The following MYT1L variants were observed in gnomAD, a reference collection of about 807,000 sequenced individuals.
The protein encoded by MYT1L is myelin transcription factor 1 like.
In MYT1L, 12 loss-of-function variants were observed where a neutral mutation model predicts 126.7. The observed-to-expected ratio is 0.09, with a 90% CI of 0.06 to 0.15. The LOEUF (loss-of-function observed/expected upper bound fraction) is 0.15. Ranked by LOEUF, MYT1L falls within the 10% of genes least tolerant of loss-of-function variation. The probability of loss-of-function intolerance (pLI) is 1.00; values close to 1 mark genes in which losing one functional copy is unlikely to be tolerated. For missense variants in MYT1L, 979 were observed against 1,585.2 expected (o/e 0.62, Z 6.49); for synonymous variants, 541 against 604.2 (o/e 0.90, Z 1.53).
chr2:2,220,532 G>A lies in MYT1L; in HGVS notation c.-420-47544C>T, dbSNP rs980038649. Among the ~76,000 whole-genome samples, 30 of 152,194 alleles carry A rather than the reference G, an allele frequency of 2.0e-4. No homozygotes were observed. The East Asian group carries it at 2.7e-3, about 14-fold the overall frequency. The stretch of plus-strand genomic sequence containing the variant: ...TGTTTCCTATTCAGACCTTTAAAAA[G>A]GTGCTAGACTCTTAACCTCTTCAGG... On this transcript the variant is annotated intron_variant, in intron 2 of 24. Transcript: ENST00000647738.
At position 1,791,446 on chromosome 2, in the gene MYT1L, G is replaced by C. The variant is rs1423029487; in HGVS notation, c.*421C>G. ...AAAAGCGGCTGCTCAGCCACAACATGATCATTCAAAGCTGTGGGTCTGTGT... is the reference window on the plus strand; with the variant it reads ...AAAAGCGGCTGCTCAGCCACAACATCATCATTCAAAGCTGTGGGTCTGTGT... On this transcript the variant is annotated 3_prime_UTR_variant, in exon 25 of 25. Transcript: ENST00000647738. The surrounding 1 kb of genome is among the most constrained non-coding windows in gnomAD (Gnocchi z 6.0). The C allele has an allele frequency of 2.7e-6, 1 of 365,238 alleles. No individual in the cohort carries two copies. The highest frequency in any genetic ancestry group is 5.4e-6 in the Non-Finnish European group (1 of 185,892). The allele number at this position is 365,238 out of a possible 1,614,324, so 22.6% of individuals were successfully genotyped here. A position where few individuals can be genotyped will look rare whatever the true frequency, so the allele number is the denominator to read the frequency against.
intron 18 of MYT1L, among the ~76,000 whole-genome samples, chr2:1,854,104 C>T (rs1270041646): frequency 2.0e-5 from 3 of 151,834 alleles, no homozygotes. Flanking sequence ...ATCCAAAGAA[C>T]ACTGGATTAA....
At chr2:1,892,765 G>C (rs2049080750) in intron 14 of MYT1L, among the ~76,000 whole-genome samples, 1 of 152,054 alleles carries the variant, frequency 6.6e-6, no homozygotes, top group Non-Finnish European at 1.5e-5. Flanking sequence ...CTGGATCCGC[G>C]GTCCCTTATC....
chr2:1,843,137 AT>A (rs2148431980), intron 19 of MYT1L, among the ~76,000 whole-genome samples: 1 of 152,304 alleles, frequency 6.6e-6, no homozygotes, highest in Non-Finnish European at 1.5e-5. Flanking sequence ...GGGCTGGCCG[AT>A]GTCCCTGCCT....
intron 10 of MYT1L, among the ~76,000 whole-genome samples, chr2:1,919,062 G>GT (rs1262098750): frequency 5.9e-5 from 9 of 152,190 alleles, no homozygotes; most frequent in Non-Finnish European, 8.8e-5. Context: ...GCAAAAAAGT[G>GT]TAAGGTGTAT....
intron 21 of MYT1L, chr2:1,809,742 G>A (rs901197813): frequency 1.3e-5 from 2 of 152,576 alleles, no homozygotes; most frequent in African/African-American, 4.8e-5. Flanking sequence ...CAGTTTTCTA[G>A]TATCAGCAGC....
intron 14 of MYT1L, among the ~76,000 whole-genome samples, chr2:1,892,747 G>C (rs1257486002): frequency 6.6e-6 from 1 of 152,126 alleles, no homozygotes; most frequent in East Asian, 1.9e-4. Context: ...CACTTTTGGT[G>C]ACCCAACCTG....
chr2:1,939,133 T>G (rs2056343583), intron 9 of MYT1L, among the ~76,000 whole-genome samples: 1 of 152,234 alleles, frequency 6.6e-6, no homozygotes, highest in Non-Finnish European at 1.5e-5. Flanking sequence ...CCCTGGTTTC[T>G]GCACTCAGAC....
intron 2 of MYT1L, among the ~76,000 whole-genome samples, chr2:2,209,958 GCCTT>G (rs1000183690): frequency 1.3e-5 from 2 of 152,082 alleles, no homozygotes; most frequent in Non-Finnish European, 2.9e-5. Context: ...ATTTGTTATT[GCCTT>G]CCTTTTGGAT....
chr2:1,910,148 T>C lies in MYT1L; in HGVS notation c.1817+92A>G, dbSNP rs894693477. On this transcript the variant is annotated intron_variant, in intron 13 of 24. Coordinates refer to ENST00000647738, the MANE Select transcript of MYT1L (RefSeq NM_001303052.2). The surrounding 1 kb of genome is among the most constrained non-coding windows in gnomAD (Gnocchi z 4.8). Reference sequence around the variant, plus strand: ...CCTCCAGTCCCTGCCCCTGCTGCTGTAGGGACATGCCCTGAGCGGGTGTCC... The same window carrying C: ...CCTCCAGTCCCTGCCCCTGCTGCTGCAGGGACATGCCCTGAGCGGGTGTCC... 3.1e-5 allele frequency: 36 copies of C among 1,177,556 alleles called. No individual in the cohort carries two copies. In the African/African-American group the frequency reaches 3.9e-4, roughly 13 times the overall value. 72.9% of individuals were successfully genotyped at this position (1,177,556 alleles called of 1,614,324 possible).
chr2:2,270,243 T>A (rs2095235499), intron 2 of MYT1L, among the ~76,000 whole-genome samples: 1 of 152,146 alleles, frequency 6.6e-6, no homozygotes, highest in South Asian at 2.1e-4. Context: ...TCCAGAACTA[T>A]GAGAATTGAT....
rs570742101 is a variant in MYT1L at position 1,912,480 on chromosome 2, G to T, written c.1619-370C>A. ...TTCCTGATGGGCTAGGGGAGCGAGGGCCTCACAGATATTACCCATGCACAA... is the reference window on the plus strand; with the variant it reads ...TTCCTGATGGGCTAGGGGAGCGAGGTCCTCACAGATATTACCCATGCACAA... On this transcript the variant is annotated intron_variant, in intron 11 of 24. Coordinates refer to ENST00000647738, the MANE Select transcript of MYT1L (RefSeq NM_001303052.2). The surrounding 1 kb of genome is among the most constrained non-coding windows in gnomAD (Gnocchi z 4.3). Among the ~76,000 whole-genome samples, 5 of 152,286 alleles carry T rather than the reference G, an allele frequency of 3.3e-5. No homozygotes were observed. The South Asian group carries it at 8.3e-4, about 25-fold the overall frequency.
intron 3 of MYT1L, among the ~76,000 whole-genome samples, chr2:2,139,761 G>T (rs147891709): frequency 6.6e-6 from 1 of 152,170 alleles, no homozygotes; most frequent in Admixed American, 6.5e-5. Flanking sequence ...GAGTAGAACA[G>T]AATCATTGGC....
intron 1 of MYT1L, among the ~76,000 whole-genome samples, chr2:2,318,815 A>C (rs1423297692): frequency 6.6e-6 from 1 of 152,216 alleles, no homozygotes; most frequent in Non-Finnish European, 1.5e-5. Flanking sequence ...CACTTTATAT[A>C]ATCTCAGAAT....
At chr2:1,895,154 G>A (rs1558310196) in intron 14 of MYT1L, among the ~76,000 whole-genome samples, 1 of 152,182 alleles carries the variant, frequency 6.6e-6, no homozygotes, top group Non-Finnish European at 1.5e-5. Context: ...CACCAAGGAG[G>A]TGAACAATGT....
At chr2:2,240,887 T>G (rs191586929) in intron 2 of MYT1L, among the ~76,000 whole-genome samples, 6 of 152,144 alleles carry the variant, frequency 3.9e-5, no homozygotes, top group African/African-American at 1.4e-4. Flanking sequence ...TATATGTAGG[T>G]CAAAAGTCAT....
chr2:1,851,791 A>T (rs1262042706), intron 18 of MYT1L, 88 bp from the exon 19 acceptor site: 1 of 1,265,426 alleles, frequency 7.9e-7, no homozygotes, highest in Non-Finnish European at 1.2e-6. Context: ...AAAGCAAACT[A>T]ACTCTATTGC....
intron 3 of MYT1L, among the ~76,000 whole-genome samples, chr2:2,165,566 C>T (rs1156983390): frequency 6.6e-6 from 1 of 151,982 alleles, no homozygotes; most frequent in Non-Finnish European, 1.5e-5. Context: ...TTCACATTTC[C>T]CCAACTGTCC....
At chr2:2,131,332 T>C (rs973198861) in intron 3 of MYT1L, among the ~76,000 whole-genome samples, 1 of 152,126 alleles carries the variant, frequency 6.6e-6, no homozygotes, top group African/African-American at 2.4e-5. Context: ...ATACAACAGT[T>C]ATGGCAAAAT....
Sources: gnomAD v4.1 joint callset for allele counts (sites outside exome capture counted in the v4.1 genomes callset) on GRCh38, gnomAD v4.1.1 for gene constraint, Gnocchi (gnomAD v3.1) non-coding constraint, MANE v1.5 for transcripts, NCBI Gene and HGNC (gene_info 2026-07-23, HGNC 2026-07-21) for gene names.